RIMS2: variants seen among roughly 807,000 people sequenced by gnomAD.
RIMS2 encodes regulating synaptic membrane exocytosis 2.
A neutral mutation model predicts 174.4 loss-of-function variants in RIMS2; 59 were observed. That is an observed-to-expected ratio of 0.34 (90% confidence interval 0.27 to 0.42). The LOEUF (loss-of-function observed/expected upper bound fraction) is 0.42, where lower values mean the gene tolerates loss of function less well. Among genes scored for constraint, RIMS2 ranks in the 10% least tolerant of loss-of-function variants. The probability of loss-of-function intolerance (pLI) is 1.00; values close to 1 mark genes in which losing one functional copy is unlikely to be tolerated. For missense variants in RIMS2, 1,620 were observed against 1,666.3 expected (o/e 0.97, Z 0.48); for synonymous variants, 606 against 572.5 (o/e 1.06, Z -0.84).
intron 1 of RIMS2, among the ~76,000 whole-genome samples, chr8:103,616,543 T>G (rs950819864): frequency 2.0e-5 from 3 of 152,044 alleles, no homozygotes; most frequent in Non-Finnish European, 4.4e-5. Flanking sequence ...GAGAAAGAAA[T>G]AATGGGCATC....
intron 1 of RIMS2, among the ~76,000 whole-genome samples, chr8:103,605,773 C>G (rs1174813285): frequency 6.6e-6 from 1 of 151,868 alleles, no homozygotes; most frequent in East Asian, 1.9e-4. Context: ...GCTAGATTTT[C>G]TAGTTTATTT....
At chr8:103,576,898 T>G (rs1263652444) in intron 1 of RIMS2, among the ~76,000 whole-genome samples, 1 of 152,162 alleles carries the variant, frequency 6.6e-6, no homozygotes, top group Non-Finnish European at 1.5e-5. Flanking sequence ...CTGGACCCCT[T>G]CCTTACACCT....
At chr8:104,072,358 G>A (rs1802257816) in intron 19 of RIMS2, among the ~76,000 whole-genome samples, 2 of 151,842 alleles carry the variant, frequency 1.3e-5, no homozygotes, top group East Asian at 1.9e-4. Flanking sequence ...ACAAATGCAA[G>A]TTATAGAGCC....
chr8:104,055,875 C>T (rs1676759434), intron 19 of RIMS2, among the ~76,000 whole-genome samples: 1 of 152,014 alleles, frequency 6.6e-6, no homozygotes, highest in Admixed American at 6.6e-5. Flanking sequence ...TAGGCTCTGG[C>T]TAATCCTCTC....
chr8:103,739,752 T>C (rs1422088216), intron 2 of RIMS2, among the ~76,000 whole-genome samples: 3 of 152,216 alleles, frequency 2.0e-5, no homozygotes, highest in Non-Finnish European at 2.9e-5. Context: ...CTCTTTATCA[T>C]GTATTACTCC....
chr8:103,682,262 G>A (rs1282310851), intron 1 of RIMS2, among the ~76,000 whole-genome samples: 3 of 152,018 alleles, frequency 2.0e-5, no homozygotes, highest in East Asian at 3.9e-4. Flanking sequence ...CCTTAAGTAT[G>A]GATAAAAATG....
intron 4 of RIMS2, among the ~76,000 whole-genome samples, chr8:103,887,197 A>G (rs2099208528): frequency 6.6e-6 from 1 of 151,588 alleles, no homozygotes. Flanking sequence ...TCTGCATTTG[A>G]TATCTTCTGT....
intron 1 of RIMS2, among the ~76,000 whole-genome samples, chr8:103,601,498 T>C (rs1323453192): frequency 3.9e-5 from 6 of 152,284 alleles, no homozygotes; most frequent in African/African-American, 1.4e-4. Context: ...CTCCTCTTTT[T>C]TGGTTTCCAT....
At chr8:103,901,810 G>C (rs1227629101) in intron 4 of RIMS2, among the ~76,000 whole-genome samples, 4 of 152,150 alleles carry the variant, frequency 2.6e-5, no homozygotes, top group East Asian at 1.9e-4. Flanking sequence ...AGCCAGCCAT[G>C]CTTTTGTATT....
At chr8:103,889,938 T>A (rs1366548124) in intron 4 of RIMS2, among the ~76,000 whole-genome samples, 2 of 151,964 alleles carry the variant, frequency 1.3e-5, no homozygotes, top group African/African-American at 4.8e-5. Flanking sequence ...ACCCTGGTTC[T>A]GTCCTTCACT....
At chr8:103,974,289 A>G (rs2093212410) in intron 15 of RIMS2, among the ~76,000 whole-genome samples, 1 of 152,192 alleles carries the variant, frequency 6.6e-6, no homozygotes, top group Non-Finnish European at 1.5e-5. Context: ...TTTCTGAGTT[A>G]TTTCTGAAAC....
At chr8:103,936,577 C>A in exon 13 of RIMS2, 1 of 1,586,110 alleles carries the variant, frequency 6.3e-7, no homozygotes, top group South Asian at 1.1e-5. Flanking sequence ...AGAACTAAAA[C>A]AGTAAAGAAA....
At chr8:104,140,834 A>G (rs1361469480) in intron 19 of RIMS2, among the ~76,000 whole-genome samples, 1 of 152,226 alleles carries the variant, frequency 6.6e-6, no homozygotes, top group Non-Finnish European at 1.5e-5. Context: ...TGTTTGAACT[A>G]AAAATTCAAG....
At chr8:104,100,865 ATT>A (rs1438466477) in intron 19 of RIMS2, among the ~76,000 whole-genome samples, 2 of 140,716 alleles carry the variant, frequency 1.4e-5, no homozygotes, top group Non-Finnish European at 3.0e-5. Flanking sequence ...TGTAATATAT[ATT>A]ATATATGTAA....
chr8:103,783,855 A>G (rs926221679), intron 3 of RIMS2, among the ~76,000 whole-genome samples: 1 of 151,794 alleles, frequency 6.6e-6, no homozygotes, highest in Non-Finnish European at 1.5e-5. Context: ...TGACTTCCAC[A>G]ATGGTTGAAC....
downstream of RIMS2, chr8:104,251,949 A>G (rs2099360506): frequency 9.3e-6 from 6 of 645,786 alleles, no homozygotes; most frequent in South Asian, 1.1e-4. Context: ...AGGGATACAA[A>G]GCAATCCTGT....
chr8:103,710,576 A>C (rs2097291696), intron 2 of RIMS2, among the ~76,000 whole-genome samples: 1 of 152,176 alleles, frequency 6.6e-6, no homozygotes, highest in South Asian at 2.1e-4. Flanking sequence ...AAGACATTAA[A>C]AGTAATTTAC....
intron 2 of RIMS2, among the ~76,000 whole-genome samples, chr8:103,699,358 C>T (rs1481754920): frequency 6.6e-6 from 1 of 152,126 alleles, no homozygotes; most frequent in Non-Finnish European, 1.5e-5. Flanking sequence ...TCCCGAGTAG[C>T]AGGAACTATG....
chr8:103,698,212 C>T (rs764865279), intron 2 of RIMS2, among the ~76,000 whole-genome samples: 1 of 152,004 alleles, frequency 6.6e-6, no homozygotes, highest in Non-Finnish European at 1.5e-5. Context: ...AATTGTTTCC[C>T]CTGGATTACC....
Sources: gnomAD v4.1 joint callset for allele counts (sites outside exome capture counted in the v4.1 genomes callset) on GRCh38, gnomAD v4.1.1 for gene constraint, MANE v1.5 for transcripts, NCBI Gene and HGNC (gene_info 2026-07-23, HGNC 2026-07-21) for gene names.